Variants in TULP4 observed in about 807,000 individuals in gnomAD.
TULP4 encodes TUB like protein 4.
Under a neutral mutation model 129.0 loss-of-function variants are expected in TULP4, and 16 were observed. That is an observed-to-expected ratio of 0.12 (90% CI 0.08 to 0.19). The LOEUF (loss-of-function observed/expected upper bound fraction) is 0.19, where lower values mean the gene tolerates loss of function less well. TULP4 is among the 10% of genes least tolerant of loss of function. The probability of loss-of-function intolerance (pLI) is 1.00; values close to 1 mark genes in which losing one functional copy is unlikely to be tolerated. For synonymous variants in TULP4, 998 were observed against 854.0 expected, an observed-to-expected ratio of 1.17 and a Z score of -2.94; for missense variants, 1,842 against 2,059.1, an observed-to-expected ratio of 0.89 and a Z score of 2.04.
chr6:158,501,974 C>T lies in TULP4; in HGVS notation c.2311C>T (p.Pro771Ser), dbSNP rs1291063349. The change falls in exon 13 of 14, where the codon CCT (proline) becomes TCT (serine). Residue 771 changes from proline (P) to serine (S), a missense_variant. Pro to Ser is a moderately conservative substitution (Grantham distance 74, BLOSUM62 -1). Transcript: ENST00000367097. ...VEMGRIIQNPPPLSLPPPPQG... is the reference protein window; with the variant it reads ...VEMGRIIQNPSPLSLPPPPQG... ...AATGGGCCGCATCATTCAGAACCCC[C>T]CTCCACTGTCCCTGCCTCCCCCGCC... 8 of 1,613,680 alleles carry T rather than the reference C, an allele frequency of 5.0e-6. No individual in the cohort carries two copies. Among genetic ancestry groups the T allele is most frequent in the African/African-American group, 2.7e-5 (2 of 74,842 alleles).
At chr6:158,444,064 C>CA (rs750050982) in intron 3 of TULP4, among the ~76,000 whole-genome samples, 22 of 151,512 alleles carry the variant, frequency 1.5e-4, no homozygotes, top group South Asian at 6.3e-4. Context: ...CTAAAAAATA[C>CA]AAAAAATTAG....
chr6:158,253,220 G>A (rs1778176695), intron 1 of TULP4, among the ~76,000 whole-genome samples: 1 of 152,196 alleles, frequency 6.6e-6, no homozygotes, highest in Admixed American at 6.5e-5. Context: ...AAGTCTAGGA[G>A]AGAAAGTCAC....
At chr6:158,274,588 A>G (rs1212705807) in intron 1 of TULP4, among the ~76,000 whole-genome samples, 2 of 152,228 alleles carry the variant, frequency 1.3e-5, no homozygotes, top group South Asian at 2.1e-4. Context: ...CATCCTGGCT[A>G]ACACGTTGAA....
At chr6:158,426,195 T>C (rs1441066036) in intron 2 of TULP4, among the ~76,000 whole-genome samples, 1 of 152,216 alleles carries the variant, frequency 6.6e-6, no homozygotes, top group African/African-American at 2.4e-5. Context: ...TTATTGATAG[T>C]TTCTTTTGCT....
At chr6:158,244,588 A>G (rs1777991591) in intron 1 of TULP4, among the ~76,000 whole-genome samples, 1 of 152,204 alleles carries the variant, frequency 6.6e-6, no homozygotes, top group Admixed American at 6.5e-5. Flanking sequence ...CCATGTGAGC[A>G]CACAGCAGGA....
intron 1 of TULP4, among the ~76,000 whole-genome samples, chr6:158,354,061 G>T (rs1481523136): frequency 6.6e-6 from 1 of 152,190 alleles, no homozygotes; most frequent in East Asian, 1.9e-4. Context: ...TCACCTGAAG[G>T]CCCATCAGGA....
chr6:158,253,477 C>T (rs1245802458), intron 1 of TULP4, among the ~76,000 whole-genome samples: 1 of 152,110 alleles, frequency 6.6e-6, no homozygotes, highest in Non-Finnish European at 1.5e-5. Context: ...GAGCAGGCTG[C>T]ATGTTGAGTG....
At chr6:158,443,985 C>T (rs1285677569) in intron 3 of TULP4, among the ~76,000 whole-genome samples, 3 of 151,838 alleles carry the variant, frequency 2.0e-5, no homozygotes, top group East Asian at 1.9e-4. Flanking sequence ...TTTGGGGGGC[C>T]AGGGTGGGCG....
Position 158,508,806 on chromosome 6 carries a change from T to C in TULP4, c.*2112T>C, listed in dbSNP as rs990804962. ...TACCCATTTTATTTATTTAGAAAAA[T>C]AGTATCTTTGTTAACGACTTACATG... On this transcript the variant is annotated 3_prime_UTR_variant, in exon 14 of 14. Coordinates refer to ENST00000367097, the MANE Select transcript of TULP4 (RefSeq NM_020245.5). The C allele has an allele frequency of 1.3e-5, 2 of 151,348 alleles. No individual in the cohort carries two copies. The highest frequency in any genetic ancestry group is 2.9e-5 in the Non-Finnish European group (2 of 67,854). 9.4% of individuals were successfully genotyped at this position (151,348 alleles called of 1,614,324 possible).
At chr6:158,388,717 AC>A (rs1777515816) in intron 1 of TULP4, among the ~76,000 whole-genome samples, 1 of 152,136 alleles carries the variant, frequency 6.6e-6, no homozygotes, top group Non-Finnish European at 1.5e-5. Flanking sequence ...TTATTGTTTA[AC>A]AAATCACTTG....
chr6:158,332,888 C>T (rs771579102), intron 1 of TULP4, among the ~76,000 whole-genome samples: 4 of 152,144 alleles, frequency 2.6e-5, no homozygotes, highest in South Asian at 2.1e-4. Flanking sequence ...TTATAGAGCA[C>T]GTATTGATGG....
At chr6:158,234,074 G>A (rs1583659454) in intron 1 of TULP4, among the ~76,000 whole-genome samples, 2 of 152,292 alleles carry the variant, frequency 1.3e-5, no homozygotes, top group African/African-American at 4.8e-5. Context: ...GCTTCCTGTG[G>A]TTGAGAAATA....
intron 1 of TULP4, among the ~76,000 whole-genome samples, chr6:158,356,486 G>A (rs1780650490): frequency 6.6e-6 from 1 of 152,176 alleles, no homozygotes. Flanking sequence ...AATTGTGGTT[G>A]ATTGCAGATA....
chr6:158,391,140 A>G (rs1016057415), intron 1 of TULP4, among the ~76,000 whole-genome samples: 3 of 152,200 alleles, frequency 2.0e-5, no homozygotes, highest in African/African-American at 2.4e-5. Context: ...TAATAGTCGA[A>G]TGACACAACT....
At chr6:158,288,499 G>A (rs1043230534) in intron 1 of TULP4, among the ~76,000 whole-genome samples, 1 of 148,124 alleles carries the variant, frequency 6.8e-6, no homozygotes, top group South Asian at 2.2e-4. Flanking sequence ...AAAAAAATGA[G>A]TGTTGAATTT....
intron 1 of TULP4, among the ~76,000 whole-genome samples, chr6:158,318,718 T>C (rs1779550018): frequency 6.6e-6 from 1 of 152,142 alleles, no homozygotes; most frequent in African/African-American, 2.4e-5. Flanking sequence ...TCAATTGTTA[T>C]ATCTTTTTTT....
intron 2 of TULP4, among the ~76,000 whole-genome samples, chr6:158,429,203 A>T (rs750000817): frequency 6.6e-6 from 1 of 152,178 alleles, no homozygotes; most frequent in Non-Finnish European, 1.5e-5. Flanking sequence ...CAGTGGCGCT[A>T]TCTTGGCTCA....
At chr6:158,443,544 C>T (rs753390808) in intron 3 of TULP4, among the ~76,000 whole-genome samples, 1 of 152,090 alleles carries the variant, frequency 6.6e-6, no homozygotes, top group Non-Finnish European at 1.5e-5. Context: ...GAAGAATATT[C>T]TGGTAATAGG....
At chr6:158,356,991 A>G (rs548321349) in intron 1 of TULP4, among the ~76,000 whole-genome samples, 3 of 152,304 alleles carry the variant, frequency 2.0e-5, no homozygotes, top group South Asian at 4.1e-4. Flanking sequence ...TTCCAAAAAA[A>G]TAGATCTCTG....
Sources: allele counts gnomAD v4.1 joint callset (sites outside exome capture counted in the v4.1 genomes callset), GRCh38; gene constraint gnomAD v4.1.1; transcripts MANE v1.5; gene names NCBI Gene and HGNC (gene_info 2026-07-23, HGNC 2026-07-21).